Variants in RARB observed in about 807,000 individuals in gnomAD.
RARB encodes HBV-activated protein.
In RARB, 17 loss-of-function variants were observed where a neutral mutation model predicts 51.9. The ratio of observed to expected loss-of-function variants is 0.33; its 90% CI spans 0.22 to 0.49. The LOEUF is 0.49. Among genes scored for constraint, RARB ranks in the 20% least tolerant of loss-of-function variants. RARB has a pLI of 0.99. For synonymous variants in RARB, 215 were observed against 195.4 expected (o/e 1.10, Z -0.84); for missense variants, 369 against 550.8 (o/e 0.67, Z 3.30).
chr3:25,569,941 G>A, intron 4 of RARB, 23 bp downstream of exon 4: 1 of 1,606,776 alleles, frequency 6.2e-7, no homozygotes, highest in African/African-American at 1.3e-5. Flanking sequence ...CCTGCCCCAG[G>A]CTGCTGGGAG....
intron 5 of RARB, among the ~76,000 whole-genome samples, chr3:25,303,217 G>A (rs979422752): frequency 2.0e-5 from 3 of 152,148 alleles, no homozygotes; most frequent in Non-Finnish European, 4.4e-5. Context: ...GTCTCCATTC[G>A]CAGGTGAGAA....
chr3:25,188,039 G>A (rs1396009771), intron 5 of RARB, among the ~76,000 whole-genome samples: 1 of 151,976 alleles, frequency 6.6e-6, no homozygotes, highest in Non-Finnish European at 1.5e-5. Flanking sequence ...AATATTCAAT[G>A]GGATAAACAA....
rs185717484 is a variant in RARB, at chr3:25,204,085, T to C, written c.178+29510T>C. Among the ~76,000 whole-genome samples the C allele has an allele frequency of 1.6e-3, 244 of 152,348 alleles. 1 individual carries two copies. The East Asian group carries it at 0.021, about 13-fold the overall frequency. The stretch of plus-strand genomic sequence containing the variant: ...GTACACCAATCAGATGTAGATTTGG[T>C]CTTTTCACATAGTCCCATATTTCTT... On this transcript the variant is annotated intron_variant, in intron 5 of 11. Transcript: ENST00000383772.
chr3:25,190,443 A>G (rs900578307), intron 5 of RARB, among the ~76,000 whole-genome samples: 1 of 152,098 alleles, frequency 6.6e-6, no homozygotes, highest in Non-Finnish European at 1.5e-5. Context: ...AGTGTAAAGT[A>G]TTTCTAATCT....
rs145419684 is a variant in RARB at position 25,195,709 on chromosome 3, C to T, written c.178+21134C>T. 4.0e-3 allele frequency among the ~76,000 whole-genome samples: 609 copies of T among 152,118 alleles called. 10 individuals are homozygous for T. Among genetic ancestry groups the T allele is most frequent in the East Asian group, 0.03 (154 of 5,164 alleles). On this transcript the variant is annotated intron_variant, in intron 5 of 11. Coordinates refer to the RARB transcript ENST00000383772. ...TTGCCATTAACTTATCATGAAATTA[C>T]AGCTTCATTCCCAGAATGAAAAGGG...
chr3:25,581,730 T>A (rs769035513), intron 5 of RARB, among the ~76,000 whole-genome samples: 50 of 152,038 alleles, frequency 3.3e-4, no homozygotes, highest in Non-Finnish European at 5.3e-4. Context: ...AGCCCCAAGA[T>A]GGAATCAGTG....
In RARB at chr3:25,117,870, G is replaced by A. The variant is rs982469459; in HGVS notation, c.-327-14291G>A. 3.2e-4 allele frequency among the ~76,000 whole-genome samples: 49 copies of A among 152,096 alleles called. 1 individual carries two copies. The highest frequency in any genetic ancestry group is 8.5e-4 in the Admixed American group (13 of 15,262). On this transcript the variant is annotated intron_variant, in intron 3 of 11. Transcript: ENST00000383772. ...TAAAATGTGTTACTGAAATCTGTTC[G>A]GTATAACAAAAGAAGATATAATCAA...
chr3:25,533,476 C>G (rs1221311755), intron 3 of RARB, among the ~76,000 whole-genome samples: 1 of 152,138 alleles, frequency 6.6e-6, no homozygotes, highest in Non-Finnish European at 1.5e-5. Context: ...TATTTTGCAT[C>G]TTGGGCTTTT....
intron 3 of RARB, among the ~76,000 whole-genome samples, chr3:25,527,348 C>G (rs1409240751): frequency 6.6e-6 from 1 of 152,210 alleles, no homozygotes; most frequent in Non-Finnish European, 1.5e-5. Flanking sequence ...TTGTCTGTGA[C>G]TCGATTTCCT....
chr3:25,566,884 G>T (rs1477010588), intron 3 of RARB, among the ~76,000 whole-genome samples: 1 of 152,178 alleles, frequency 6.6e-6, no homozygotes, highest in Admixed American at 6.5e-5. Context: ...GTATTGTTGG[G>T]CCTCAAGTTC....
intron 2 of RARB, among the ~76,000 whole-genome samples, chr3:24,921,027 G>C (rs1286972113): frequency 6.6e-6 from 1 of 152,112 alleles, no homozygotes. Flanking sequence ...TACTGGTGCA[G>C]AGGCCTACAA....
intron 2 of RARB, among the ~76,000 whole-genome samples, chr3:24,952,242 A>ATT (rs1476425750): frequency 7.5e-6 from 1 of 134,032 alleles, no homozygotes; most frequent in African/African-American, 3.0e-5. Flanking sequence ...AAAAAGTAAC[A>ATT]TTTGTTTTTT....
At chr3:25,214,674 C>T (rs1473112577) in intron 5 of RARB, among the ~76,000 whole-genome samples, 2 of 152,200 alleles carry the variant, frequency 1.3e-5, no homozygotes, top group Non-Finnish European at 2.9e-5. Flanking sequence ...TCAATTTACA[C>T]AGTTCCCAAG....
chr3:25,140,949 C>CT (rs1700098379), intron 4 of RARB, among the ~76,000 whole-genome samples: 1 of 151,888 alleles, frequency 6.6e-6, no homozygotes, highest in African/African-American at 2.4e-5. Flanking sequence ...ATGTAGATGA[C>CT]TTTTTTAGAC....
chr3:25,465,293 G>A (rs1285839415), intron 2 of RARB, among the ~76,000 whole-genome samples: 1 of 151,842 alleles, frequency 6.6e-6, no homozygotes, highest in Non-Finnish European at 1.5e-5. Context: ...ATTTACTATG[G>A]GCCCTGTGTG....
intron 2 of RARB, among the ~76,000 whole-genome samples, chr3:25,008,449 T>G (rs1697322170): frequency 6.6e-6 from 1 of 152,166 alleles, no homozygotes; most frequent in Non-Finnish European, 1.5e-5. Context: ...CAGTTCAGTC[T>G]TGTGAGGATG....
intron 2 of RARB, among the ~76,000 whole-genome samples, chr3:25,487,042 T>C (rs925234693): frequency 6.6e-6 from 1 of 152,166 alleles, no homozygotes; most frequent in Non-Finnish European, 1.5e-5. Flanking sequence ...GATGCTGGAC[T>C]AGTTCCCCTG....
At position 24,908,468 on chromosome 3, in the gene RARB, G is replaced by A. The variant is rs76426187; in HGVS notation, c.-380+49716G>A. On this transcript the variant is annotated intron_variant, in intron 2 of 11. Coordinates refer to the RARB transcript ENST00000383772. ...AATGAAGCAAGAACCTTAACAATTT[G>A]GATCTTCTCCTTGATAAGACTAATA... Among the ~76,000 whole-genome samples the A allele has an allele frequency of 0.011, 1,689 of 152,098 alleles. 90 individuals are homozygous for A. The East Asian group carries it at 0.17, about 15-fold the overall frequency.
At chr3:24,883,780 A>C (rs1703217784) in intron 2 of RARB, among the ~76,000 whole-genome samples, 1 of 152,180 alleles carries the variant, frequency 6.6e-6, no homozygotes, top group Non-Finnish European at 1.5e-5. Flanking sequence ...ATTGCAAGCA[A>C]ACAAGTACCT....
Sources: allele counts gnomAD v4.1 joint callset (sites outside exome capture counted in the v4.1 genomes callset), GRCh38; gene constraint gnomAD v4.1.1; transcripts MANE v1.5; gene names NCBI Gene and HGNC (gene_info 2026-07-23, HGNC 2026-07-21).